TLCD4: variants seen among roughly 807,000 people sequenced by gnomAD.
TLCD4 encodes the protein TLC domain-containing protein 4.
A neutral mutation model predicts 24.2 loss-of-function variants in TLCD4; 7 were observed. That is an observed-to-expected ratio of 0.29 (90% confidence interval 0.16 to 0.54). TLCD4 has a LOEUF of 0.54. TLCD4 is among the 20% of genes least tolerant of loss of function. The pLI, the probability that TLCD4 is intolerant of heterozygous loss-of-function variation, is 0.95. For missense variants in TLCD4, 259 were observed against 313.9 expected (o/e 0.82, Z 1.32); for synonymous variants, 103 against 106.4 (o/e 0.97, Z 0.20).
At chr1:95,120,215 T>C (rs1006505703) in intron 1 of TLCD4, 5 of 152,218 alleles carry the variant, frequency 3.3e-5, no homozygotes, top group African/African-American at 1.2e-4. Context: ...ACATTAGGAA[T>C]GAGCTGTATT....
At chr1:95,100,611 T>G in the TLCD4 span, among the ~76,000 whole-genome samples, 1 of 151,238 alleles carries the variant, frequency 6.6e-6, no homozygotes, top group African/African-American at 2.4e-5. Flanking sequence ...AAAAAGAAAA[T>G]TCTACATTGT....
intron 5 of TLCD4, among the ~76,000 whole-genome samples, chr1:95,157,516 A>G (rs1998967): frequency 0.98 from 149,734 of 152,304 alleles, 73,647 homozygotes; most frequent in East Asian, 1. Flanking sequence ...AATAATGACT[A>G]TGGTTGATTG....
At chr1:95,155,974 A>G (rs1213631494) in intron 5 of TLCD4, among the ~76,000 whole-genome samples, 1 of 152,026 alleles carries the variant, frequency 6.6e-6, no homozygotes, top group Admixed American at 6.6e-5. Context: ...AATTTAAGGA[A>G]TGGAAAGATC....
chr1:95,159,374 AT>A (rs1309414685), intron 5 of TLCD4, among the ~76,000 whole-genome samples: 2 of 152,090 alleles, frequency 1.3e-5, no homozygotes, highest in African/African-American at 4.8e-5. Flanking sequence ...TTTCTTGTAA[AT>A]TTGTTTAAGT....
chr1:95,104,214 C>T, the TLCD4 span, among the ~76,000 whole-genome samples: 1,492 of 152,302 alleles, frequency 9.8e-3, 33 homozygotes, highest in African/African-American at 0.033. Context: ...GCTTCCTAAG[C>T]GAGTTCCTTG....
At chr1:95,167,054 CCTT>C (rs1031248038) in intron 5 of TLCD4, among the ~76,000 whole-genome samples, 2 of 151,372 alleles carry the variant, frequency 1.3e-5, no homozygotes, top group African/African-American at 4.8e-5. Context: ...CTTTTGAGTG[CCTT>C]CTCTTTTGAG....
chr1:95,125,104 G>T (rs1676678131), intron 1 of TLCD4, among the ~76,000 whole-genome samples: 2 of 152,172 alleles, frequency 1.3e-5, no homozygotes, highest in Middle Eastern at 3.2e-3. Context: ...GAGTTATCTG[G>T]ATCTGAACTT....
intron 5 of TLCD4, among the ~76,000 whole-genome samples, chr1:95,169,910 T>A (rs957598542): frequency 6.6e-6 from 1 of 152,256 alleles, no homozygotes; most frequent in Non-Finnish European, 1.5e-5. Flanking sequence ...TTTGATATTT[T>A]ACATGACTTT....
chr1:95,110,387 A>G, the TLCD4 span, among the ~76,000 whole-genome samples: 1 of 152,048 alleles, frequency 6.6e-6, no homozygotes, highest in Non-Finnish European at 1.5e-5. Flanking sequence ...TTAGTCAGAC[A>G]TTACTACTTT....
chr1:95,179,293 T>C (rs1678552503), intron 6 of TLCD4, among the ~76,000 whole-genome samples: 1 of 152,262 alleles, frequency 6.6e-6, no homozygotes. Context: ...ATTTTTATTA[T>C]TGTGGAAAGT....
At chr1:95,123,360 G>A (rs1676622305) in intron 1 of TLCD4, among the ~76,000 whole-genome samples, 2 of 152,176 alleles carry the variant, frequency 1.3e-5, no homozygotes, top group Non-Finnish European at 1.5e-5. Flanking sequence ...GCAACATAAG[G>A]ATGAAAGGGT....
intron 5 of TLCD4, among the ~76,000 whole-genome samples, chr1:95,153,858 A>G (rs1212973140): frequency 1.3e-5 from 2 of 152,154 alleles, no homozygotes; most frequent in Non-Finnish European, 1.5e-5. Context: ...TGAAAGGACT[A>G]CTAAGTGGAA....
intron 6 of TLCD4, among the ~76,000 whole-genome samples, chr1:95,185,255 A>C (rs1316753572): frequency 2.0e-5 from 3 of 152,162 alleles, no homozygotes; most frequent in Admixed American, 2.0e-4. Context: ...TAAAAGAAGA[A>C]TCAATTTATA....
intron 6 of TLCD4, among the ~76,000 whole-genome samples, chr1:95,187,266 C>G (rs1166459520): frequency 6.6e-6 from 1 of 152,144 alleles, no homozygotes; most frequent in Non-Finnish European, 1.5e-5. Context: ...GTGTTAATAT[C>G]TTATTGTTAA....
chr1:95,101,336 C>A, the TLCD4 span, among the ~76,000 whole-genome samples: 2 of 151,598 alleles, frequency 1.3e-5, no homozygotes, highest in African/African-American at 2.4e-5. Flanking sequence ...TCACTGCAGT[C>A]TGAAACTCAC....
At chr1:95,125,697 ATCCGGTC>A (rs1676714194) in intron 1 of TLCD4, 1 of 152,242 alleles carries the variant, frequency 6.6e-6, no homozygotes, top group Non-Finnish European at 1.5e-5. Context: ...CCACCAAATT[ATCCGGTC>A]AGATCATAGG....
At chr1:95,157,234 A>T (rs1414905) in intron 5 of TLCD4, among the ~76,000 whole-genome samples, 54,548 of 152,060 alleles carry the variant, frequency 0.36, 11,340 homozygotes, top group Middle Eastern at 0.55. Context: ...TAACATTTAC[A>T]TTTAGGAATG....
intron 5 of TLCD4, among the ~76,000 whole-genome samples, chr1:95,156,983 A>G (rs1677651706): frequency 3.3e-5 from 5 of 152,194 alleles, no homozygotes. Flanking sequence ...GAAGGTAGAA[A>G]GAGAACCATA....
At chr1:95,108,572 T>A in the TLCD4 span, among the ~76,000 whole-genome samples, 1 of 152,164 alleles carries the variant, frequency 6.6e-6, no homozygotes, top group Non-Finnish European at 1.5e-5. Flanking sequence ...AATCCTCCCA[T>A]CTTGGCCTCC....
Sources: gnomAD v4.1 joint callset for allele counts (sites outside exome capture counted in the v4.1 genomes callset) on GRCh38, gnomAD v4.1.1 for gene constraint, MANE v1.5 for transcripts, NCBI Gene and HGNC (gene_info 2026-07-23, HGNC 2026-07-21) for gene names.